ANTXR2: variants seen among roughly 807,000 people sequenced by gnomAD.
ANTXR2 encodes ANTXR cell adhesion molecule 2.
In ANTXR2, 44 loss-of-function variants were observed where a neutral mutation model predicts 73.7. The ratio of observed to expected loss-of-function variants is 0.60; its 90% CI spans 0.47 to 0.77. ANTXR2 has a LOEUF of 0.77. Ranked by LOEUF, ANTXR2 falls within the 30% of genes least tolerant of loss-of-function variation. The probability of loss-of-function intolerance (pLI) is 0.00; values close to 1 mark genes in which losing one functional copy is unlikely to be tolerated. For synonymous variants in ANTXR2, 217 were observed against 205.9 expected, an observed-to-expected ratio of 1.05 and a Z score of -0.46; for missense variants, 604 against 592.5, an observed-to-expected ratio of 1.02 and a Z score of -0.20.
At chr4:79,986,908 T>C (rs368981734) in intron 12 of ANTXR2, among the ~76,000 whole-genome samples, 4 of 152,272 alleles carry the variant, frequency 2.6e-5, no homozygotes, top group African/African-American at 9.6e-5. Context: ...CCTGAAAGCA[T>C]CCAGAAATGA....
At chr4:79,965,886 G>T (rs1268489339) in intron 16 of ANTXR2, among the ~76,000 whole-genome samples, 1 of 152,006 alleles carries the variant, frequency 6.6e-6, no homozygotes, top group Non-Finnish European at 1.5e-5. Context: ...ATATAAAAGT[G>T]ATATACATTT....
chr4:79,984,450 A>G (rs1397083451), intron 13 of ANTXR2, among the ~76,000 whole-genome samples: 1 of 152,214 alleles, frequency 6.6e-6, no homozygotes, highest in African/African-American at 2.4e-5. Flanking sequence ...TCTGGTTAAC[A>G]GAATCATATA....
chr4:79,907,978 A>G (rs1271771675), intron 16 of ANTXR2, among the ~76,000 whole-genome samples: 1 of 152,068 alleles, frequency 6.6e-6, no homozygotes, highest in Non-Finnish European at 1.5e-5. Flanking sequence ...GTTACTGACC[A>G]TTTCTCACCA....
At position 80,038,324 on chromosome 4, in the gene ANTXR2, C is replaced by A. The variant is rs190190078; in HGVS notation, c.637-2292G>T. Among the ~76,000 whole-genome samples, 15 of 152,112 alleles carry A rather than the reference C, an allele frequency of 9.9e-5. 1 individual carries two copies. Among genetic ancestry groups the A allele is most frequent in the Admixed American group, 9.8e-4 (15 of 15,264 alleles). ...TGTTGACTTGGTCTTTTAATTTGATCCAATCCATCAAAACATTTCTAAATA... is the reference window on the plus strand; with the variant it reads ...TGTTGACTTGGTCTTTTAATTTGATACAATCCATCAAAACATTTCTAAATA... On this transcript the variant is annotated intron_variant, in intron 7 of 16. Transcript: ENST00000403729.
chr4:80,048,442 CT>C (rs1279222918), intron 7 of ANTXR2, among the ~76,000 whole-genome samples: 2 of 151,570 alleles, frequency 1.3e-5, no homozygotes, highest in Non-Finnish European at 3.0e-5. Flanking sequence ...ATAGCCAGTC[CT>C]TTTTAACAGG....
intron 16 of ANTXR2, among the ~76,000 whole-genome samples, chr4:79,926,113 T>C (rs1478852014): frequency 6.6e-6 from 1 of 152,162 alleles, no homozygotes; most frequent in African/African-American, 2.4e-5. Context: ...ATTAAGTTTC[T>C]GCTGAATTAA....
chr4:79,975,566 T>C (rs1010112391), intron 16 of ANTXR2, among the ~76,000 whole-genome samples: 2 of 152,240 alleles, frequency 1.3e-5, no homozygotes, highest in African/African-American at 4.8e-5. Flanking sequence ...TATTCAATGT[T>C]AGCTCAATAC....
chr4:80,024,302 T>C (rs906283438), intron 10 of ANTXR2, among the ~76,000 whole-genome samples: 5 of 152,196 alleles, frequency 3.3e-5, no homozygotes, highest in African/African-American at 1.2e-4. Flanking sequence ...TTAAGGTGCC[T>C]GTAGAAAATC....
chr4:80,060,745 T>C (rs540608470), intron 3 of ANTXR2, among the ~76,000 whole-genome samples: 9 of 152,236 alleles, frequency 5.9e-5, no homozygotes, highest in Non-Finnish European at 1.0e-4. Context: ...TAGAAAAAAA[T>C]AGTATATATA....
intron 16 of ANTXR2, among the ~76,000 whole-genome samples, chr4:79,953,967 C>A (rs1317664519): frequency 6.6e-6 from 1 of 151,932 alleles, no homozygotes; most frequent in Non-Finnish European, 1.5e-5. Context: ...TAATTCAACA[C>A]CTGGGCCTAT....
intron 7 of ANTXR2, among the ~76,000 whole-genome samples, chr4:80,044,181 G>A (rs1441419939): frequency 2.6e-5 from 4 of 151,906 alleles, no homozygotes; most frequent in African/African-American, 7.2e-5. Flanking sequence ...TATTGTCAAG[G>A]AAACATCCAT....
chr4:79,919,864 T>A (rs6817441), intron 16 of ANTXR2, among the ~76,000 whole-genome samples: 964 of 4,450 alleles, frequency 0.22, 188 homozygotes, highest in East Asian at 0.92. Flanking sequence ...TAATACATAT[T>A]TTATATATAT....
chr4:80,045,243 C>A (rs1026422210), intron 7 of ANTXR2, among the ~76,000 whole-genome samples: 1 of 151,704 alleles, frequency 6.6e-6, no homozygotes, highest in African/African-American at 2.4e-5. Context: ...TATTAACTCC[C>A]ATTAAATGGT....
At chr4:79,929,303 A>G (rs1727965199) in intron 16 of ANTXR2, among the ~76,000 whole-genome samples, 1 of 152,214 alleles carries the variant, frequency 6.6e-6, no homozygotes, top group Non-Finnish European at 1.5e-5. Context: ...TCACTAGGTC[A>G]GGAGTTCAAG....
intron 10 of ANTXR2, among the ~76,000 whole-genome samples, chr4:80,022,213 C>T (rs1304681347): frequency 1.3e-5 from 2 of 152,158 alleles, no homozygotes; most frequent in Non-Finnish European, 2.9e-5. Flanking sequence ...ACTACATTCA[C>T]ATATTTCTCA....
chr4:79,994,527 T>A (rs1191929282), intron 12 of ANTXR2, among the ~76,000 whole-genome samples: 1 of 152,014 alleles, frequency 6.6e-6, no homozygotes, highest in East Asian at 1.9e-4. Flanking sequence ...TCTTATTACA[T>A]GTACATCTTG....
intron 3 of ANTXR2, 38 bp from the exon 4 acceptor site, chr4:80,056,051 G>T: frequency 7.2e-7 from 1 of 1,386,718 alleles, no homozygotes; most frequent in South Asian, 1.4e-5. Flanking sequence ...AATGAGCAAA[G>T]AGCAAAGGTA....
intron 12 of ANTXR2, among the ~76,000 whole-genome samples, chr4:80,006,441 T>C (rs547249901): frequency 1.6e-4 from 25 of 152,186 alleles, no homozygotes; most frequent in Non-Finnish European, 2.9e-4. Context: ...TATAAGTTCA[T>C]ACTTATATGA....
intron 16 of ANTXR2, among the ~76,000 whole-genome samples, chr4:79,952,993 A>T (rs951101148): frequency 6.6e-6 from 1 of 152,106 alleles, no homozygotes; most frequent in African/African-American, 2.4e-5. Context: ...CATCTAAACA[A>T]CAAGTTCTAT....
Sources: allele counts gnomAD v4.1 joint callset (sites outside exome capture counted in the v4.1 genomes callset), GRCh38; gene constraint gnomAD v4.1.1; transcripts MANE v1.5; gene names NCBI Gene and HGNC (gene_info 2026-07-23, HGNC 2026-07-21).